Variants in GALNT17 observed in about 807,000 individuals in gnomAD.
The protein encoded by GALNT17 is polypeptide N-acetylgalactosaminyltransferase 17, also known as UDP-GalNAc:polypeptide N-acetylgalactosaminyltransferase-like 3.
A neutral mutation model predicts 63.7 loss-of-function variants in GALNT17; 29 were observed. The observed-to-expected ratio is 0.46, with a 90% CI of 0.34 to 0.62. The LOEUF (loss-of-function observed/expected upper bound fraction) is 0.62, where lower values mean the gene tolerates loss of function less well. Ranked by LOEUF, GALNT17 falls within the 20% of genes least tolerant of loss-of-function variation. The pLI is 0.01. For missense variants in GALNT17, 603 were observed against 799.6 expected, an observed-to-expected ratio of 0.75 and a Z score of 2.97; for synonymous variants, 305 against 318.3, an observed-to-expected ratio of 0.96 and a Z score of 0.45.
chr7:71,374,821 G>A (rs1792690487), intron 2 of GALNT17, among the ~76,000 whole-genome samples: 1 of 145,574 alleles, frequency 6.9e-6, no homozygotes, highest in Admixed American at 7.2e-5. Flanking sequence ...CATTTGGCTT[G>A]TTCTTGAGGA....
intron 8 of GALNT17, among the ~76,000 whole-genome samples, chr7:71,676,881 G>A (rs888382756): frequency 2.0e-5 from 3 of 152,116 alleles, no homozygotes; most frequent in South Asian, 2.1e-4. Context: ...CTTCAAAGCT[G>A]TTTAGAAGTC....
chr7:71,618,737 A>G (rs1429845007), intron 6 of GALNT17, among the ~76,000 whole-genome samples: 1 of 152,146 alleles, frequency 6.6e-6, no homozygotes, highest in Non-Finnish European at 1.5e-5. Flanking sequence ...TAATTTGCAA[A>G]TATCTTCTCC....
intron 5 of GALNT17, among the ~76,000 whole-genome samples, chr7:71,452,190 G>A (rs778357203): frequency 6.6e-5 from 10 of 151,922 alleles, no homozygotes; most frequent in African/African-American, 9.7e-5. Context: ...CTGCAGTGAG[G>A]TATGATTTCA....
At chr7:71,359,700 C>T (rs1013049288) in intron 2 of GALNT17, among the ~76,000 whole-genome samples, 5 of 152,022 alleles carry the variant, frequency 3.3e-5, no homozygotes, top group Non-Finnish European at 5.9e-5. Flanking sequence ...TCTTCTGCCT[C>T]AGCCTCTTAA....
chr7:71,211,564 A>G (rs1199556419), intron 1 of GALNT17, among the ~76,000 whole-genome samples: 1 of 152,224 alleles, frequency 6.6e-6, no homozygotes, highest in African/African-American at 2.4e-5. Flanking sequence ...GGAATTGGGT[A>G]ACAGGGAGAG....
rs546947643 is a variant in GALNT17, at chr7:71,573,774, A to G, written c.1080+2372A>G. ...AGCACAGATTGGTGCACAGATTATT[A>G]CCCAGGTAGTAAGCATAGTACCTGA... On this transcript the variant is annotated intron_variant, in intron 6 of 10. Transcript: ENST00000333538. Among the ~76,000 whole-genome samples the G allele has an allele frequency of 1.5e-3, 221 of 152,260 alleles. 1 individual carries two copies. The South Asian group carries it at 0.016, about 11-fold the overall frequency.
At chr7:71,210,515 G>A (rs1243453870) in intron 1 of GALNT17, among the ~76,000 whole-genome samples, 1 of 152,216 alleles carries the variant, frequency 6.6e-6, no homozygotes, top group Non-Finnish European at 1.5e-5. Context: ...TTGCAGAGTT[G>A]TGGTGAAGAG....
intron 5 of GALNT17, among the ~76,000 whole-genome samples, chr7:71,493,011 A>T (rs945193897): frequency 1.3e-5 from 2 of 152,224 alleles, no homozygotes; most frequent in African/African-American, 4.8e-5. Context: ...GCTAAAATAA[A>T]GAACTATTTT....
intron 1 of GALNT17, among the ~76,000 whole-genome samples, chr7:71,329,615 A>G (rs1026975833): frequency 6.6e-6 from 1 of 152,088 alleles, no homozygotes; most frequent in South Asian, 2.1e-4. Context: ...CAGAAGGCGA[A>G]AGGGAAGCAG....
chr7:71,678,785 ACT>A (rs1261227378), intron 9 of GALNT17, among the ~76,000 whole-genome samples: 2 of 81,444 alleles, frequency 2.5e-5, no homozygotes, highest in Non-Finnish European at 4.9e-5. Context: ...ACAGAGTGAG[ACT>A]CTGTCTCAAA....
intron 1 of GALNT17, among the ~76,000 whole-genome samples, chr7:71,274,941 G>T (rs1307663822): frequency 6.6e-6 from 1 of 152,196 alleles, no homozygotes; most frequent in Non-Finnish European, 1.5e-5. Context: ...GACCATGCTT[G>T]GCCCTGGGGG....
At chr7:71,187,372 T>TA (rs1277521227) in intron 1 of GALNT17, among the ~76,000 whole-genome samples, 1 of 151,810 alleles carries the variant, frequency 6.6e-6, no homozygotes, top group African/African-American at 2.4e-5. Context: ...TCCTCCCTCT[T>TA]TAAAAGTCCA....
intron 9 of GALNT17, among the ~76,000 whole-genome samples, chr7:71,694,695 C>A (rs1394169480): frequency 6.6e-6 from 1 of 152,174 alleles, no homozygotes; most frequent in African/African-American, 2.4e-5. Context: ...GGTGCCCAGC[C>A]ATTATCCCCA....
intron 1 of GALNT17, among the ~76,000 whole-genome samples, chr7:71,171,890 A>G (rs1482515956): frequency 6.6e-6 from 1 of 152,234 alleles, no homozygotes; most frequent in African/African-American, 2.4e-5. Context: ...GAAAGTTTCT[A>G]GAGTGTTTTC....
intron 6 of GALNT17, among the ~76,000 whole-genome samples, chr7:71,608,996 A>C (rs1281216212): frequency 4.1e-5 from 6 of 146,890 alleles, no homozygotes; most frequent in African/African-American, 7.7e-5. Flanking sequence ...GCCCAGACTC[A>C]TCTCAAACTC....
intron 9 of GALNT17, among the ~76,000 whole-genome samples, chr7:71,691,737 C>G (rs759940976): frequency 1.2e-4 from 18 of 152,152 alleles, no homozygotes; most frequent in Non-Finnish European, 2.4e-4. Flanking sequence ...ATAAGGAACT[C>G]AGATTGAACA....
At chr7:71,578,004 C>CATTTATTTATTT (rs60916222) in intron 6 of GALNT17, among the ~76,000 whole-genome samples, 325 of 143,308 alleles carry the variant, frequency 2.3e-3, no homozygotes, top group Middle Eastern at 3.5e-3. Flanking sequence ...GGGTTGTTTA[C>CATTTATTTATTT]ATTTATTTAT....
At chr7:71,326,752 T>C (rs1200413861) in intron 1 of GALNT17, among the ~76,000 whole-genome samples, 1 of 152,176 alleles carries the variant, frequency 6.6e-6, no homozygotes, top group Non-Finnish European at 1.5e-5. Flanking sequence ...TGGGCATCCT[T>C]TTCTAGTGAC....
At position 71,665,352 on chromosome 7, in the gene GALNT17, G is replaced by C. The variant is rs1224578148; in HGVS notation, c.1081-59G>C. ...CTGAACCATTGCTTTTGGGCTTGGG[G>C]AGGGGGCATAGCCTCTGGGAATTTC... is the stretch of plus-strand genomic sequence containing the variant. On this transcript the variant is annotated intron_variant, in intron 6 of 10. Coordinates refer to ENST00000333538, the MANE Select transcript of GALNT17 (RefSeq NM_022479.3). 8 of 1,528,104 alleles carry C rather than the reference G, an allele frequency of 5.2e-6. No individual in the cohort carries two copies. The East Asian group carries it at 1.8e-4, about 35-fold the overall frequency. 94.7% of individuals were successfully genotyped at this position (1,528,104 alleles called of 1,614,324 possible).
Sources: gnomAD v4.1 joint callset for allele counts (sites outside exome capture counted in the v4.1 genomes callset) on GRCh38, gnomAD v4.1.1 for gene constraint, MANE v1.5 for transcripts, NCBI Gene and HGNC (gene_info 2026-07-23, HGNC 2026-07-21) for gene names.